The following RMND5A variants were observed in gnomAD, a reference collection of about 807,000 sequenced individuals.
The protein encoded by RMND5A is required for meiotic nuclear division 5 homolog A.
In RMND5A, 17 loss-of-function variants were observed where a neutral mutation model predicts 49.7. The ratio of observed to expected loss-of-function variants is 0.34; its 90% CI spans 0.23 to 0.51. RMND5A has a LOEUF of 0.51. Ranked by LOEUF, RMND5A falls within the 20% of genes least tolerant of loss-of-function variation. RMND5A has a pLI of 0.96. For missense variants in RMND5A, 255 were observed against 471.3 expected (o/e 0.54, Z 4.25); for synonymous variants, 156 against 167.7 (o/e 0.93, Z 0.54).
At chr2:86,766,085 T>C in intron 6 of RMND5A, 61 bp downstream of exon 6, 1 of 1,429,486 alleles carries the variant, frequency 7.0e-7, no homozygotes, top group Non-Finnish European at 9.5e-7. Flanking sequence ...TTCCCTTAAC[T>C]TGTTTGGTTC....
At chr2:86,758,435 T>A (rs1279865430) in intron 4 of RMND5A, among the ~76,000 whole-genome samples, 6 of 152,170 alleles carry the variant, frequency 3.9e-5, no homozygotes, top group African/African-American at 1.4e-4. Context: ...AGCCAGTTCC[T>A]ATGGATGGAC....
intron 4 of RMND5A, among the ~76,000 whole-genome samples, chr2:86,755,138 A>G (rs1386172839): frequency 6.7e-6 from 1 of 150,246 alleles, no homozygotes; most frequent in Non-Finnish European, 1.5e-5. Context: ...TCCCAAAGAG[A>G]CAGAGTCTTG....
intron 4 of RMND5A, among the ~76,000 whole-genome samples, chr2:86,754,534 C>G (rs115473684): frequency 0.012 from 1,814 of 152,046 alleles, 38 homozygotes; most frequent in African/African-American, 0.041. Context: ...CCATTTAATT[C>G]TTCATAGCTT....
In RMND5A at chr2:86,753,352, T is replaced by C. The variant is rs1573437966; in HGVS notation, c.421-106T>C. 6 of 677,512 alleles carry C rather than the reference T, an allele frequency of 8.9e-6. No homozygotes were observed. In the East Asian group the frequency reaches 1.5e-4, roughly 17 times the overall value. 42.0% of individuals were successfully genotyped at this position (677,512 alleles called of 1,614,324 possible). ...CATCAGTCTCTACTATAGGGAATTA[T>C]CTTTAATGGCTTGCCCCATATTTTA... On this transcript the variant is annotated intron_variant, in intron 3 of 8. Coordinates refer to ENST00000283632, the MANE Select transcript of RMND5A (RefSeq NM_022780.4).
chr2:86,765,444 A>C, intron 5 of RMND5A: 3 of 391,422 alleles, frequency 7.7e-6, no homozygotes, highest in Non-Finnish European at 9.1e-6. Flanking sequence ...CAAGGTGTGC[A>C]CTTGCTCTTT....
chr2:86,741,359 A>T (rs1681446002), intron 2 of RMND5A, among the ~76,000 whole-genome samples: 1 of 151,956 alleles, frequency 6.6e-6, no homozygotes, highest in Non-Finnish European at 1.5e-5. Flanking sequence ...GTTCCAAAGA[A>T]ATTTTAACCC....
At chr2:86,752,802 T>G (rs540293524) in intron 3 of RMND5A, among the ~76,000 whole-genome samples, 4 of 152,238 alleles carry the variant, frequency 2.6e-5, no homozygotes, top group Non-Finnish European at 5.9e-5. Flanking sequence ...AGAATTAGTT[T>G]AAAATCAGTC....
In RMND5A at chr2:86,767,755, C is replaced by T. The variant is rs945251589; in HGVS notation, c.854+1731C>T. 9.2e-5 allele frequency among the ~76,000 whole-genome samples: 14 copies of T among 152,314 alleles called. 1 individual carries two copies. Among genetic ancestry groups the T allele is most frequent in the Admixed American group, 3.3e-4 (5 of 15,304 alleles). On this transcript the variant is annotated intron_variant, in intron 6 of 8. Coordinates refer to ENST00000283632, the MANE Select transcript of RMND5A (RefSeq NM_022780.4). ...TAAAGTTTCAGATTCTGCTCTGCAG[C>T]GAACCTTTAGAAAACTACTACCTGT...
chr2:86,743,452 G>T (rs1211675101), intron 2 of RMND5A, among the ~76,000 whole-genome samples: 2 of 148,920 alleles, frequency 1.3e-5, no homozygotes, highest in East Asian at 2.0e-4. Flanking sequence ...GGGTGTTTTT[G>T]GTTTTTGTTT....
rs1214155974 is a variant in RMND5A, at chr2:86,751,911, A to G, written c.301A>G (p.Ile101Val). The change falls in exon 3 of 9, where the codon ATT becomes GTT. Residue 101 changes from isoleucine (I) to valine (V), a missense_variant. This residue lies in a region of RMND5A where 5 missense variants were observed against 71.5 expected (regional missense o/e 0.07). Coordinates refer to ENST00000283632, the MANE Select transcript of RMND5A (RefSeq NM_022780.4). ...TTTTCCCCAGAATTTTGATTCTGAC[A>G]TTAGCAGTGTGGGAATAGATGGCTG... ...KAIDKNFDSDISSVGIDGCWQ... is the reference protein window; with the variant it reads ...KAIDKNFDSDVSSVGIDGCWQ... The G allele has an allele frequency of 1.9e-6, 3 of 1,613,438 alleles. No individual in the cohort carries two copies. Among genetic ancestry groups the G allele is most frequent in the Admixed American group, 1.7e-5 (1 of 59,974 alleles).
intron 4 of RMND5A, among the ~76,000 whole-genome samples, chr2:86,759,629 C>T (rs1681811114): frequency 6.6e-6 from 1 of 151,174 alleles, no homozygotes; most frequent in Non-Finnish European, 1.5e-5. Context: ...CGCCCCCCAC[C>T]ATCTCTACTA....
rs1357276438 is a variant in RMND5A, at chr2:86,777,921, A to T, written c.*4510A>T. 6.6e-6 allele frequency: 1 copy of T among 152,222 alleles called. No homozygotes were observed. Among genetic ancestry groups the T allele is most frequent in the Non-Finnish European group, 1.5e-5 (1 of 68,040 alleles). 9.4% of individuals were successfully genotyped at this position (152,222 alleles called of 1,614,324 possible). Reference sequence around the variant, plus strand: ...TATTTAATTTATAAATTTCGGACTGATATAATAGAGTTTTGGAAAACTATA... The same window carrying T: ...TATTTAATTTATAAATTTCGGACTGTTATAATAGAGTTTTGGAAAACTATA... On this transcript the variant is annotated 3_prime_UTR_variant, in exon 9 of 9. Coordinates refer to ENST00000283632, the MANE Select transcript of RMND5A (RefSeq NM_022780.4).
chr2:86,756,538 A>G lies in RMND5A; in HGVS notation c.521+2980A>G, dbSNP rs187467828. Among the ~76,000 whole-genome samples the G allele has an allele frequency of 3.9e-4, 60 of 152,372 alleles. 1 individual carries two copies. The South Asian group carries it at 0.011, about 29-fold the overall frequency. ...TTAAAACCCATAAAATTGGAGTTAT[A>G]CAAAACATAAGATTTAATAGAAATC... On this transcript the variant is annotated intron_variant, in intron 4 of 8. Coordinates refer to ENST00000283632, the MANE Select transcript of RMND5A (RefSeq NM_022780.4).
At chr2:86,768,051 T>C (rs1371182359) in intron 6 of RMND5A, among the ~76,000 whole-genome samples, 1 of 152,212 alleles carries the variant, frequency 6.6e-6, no homozygotes, top group Non-Finnish European at 1.5e-5. Context: ...TTGGAAACTG[T>C]AGTTATTTTT....
At chr2:86,766,238 G>A (rs1210592117) in intron 6 of RMND5A, among the ~76,000 whole-genome samples, 1 of 152,162 alleles carries the variant, frequency 6.6e-6, no homozygotes, top group East Asian at 1.9e-4. Context: ...GATCCTGAGA[G>A]CCTTTTCCAC....
At chr2:86,750,323 G>A (rs536912939) in intron 2 of RMND5A, among the ~76,000 whole-genome samples, 21 of 152,220 alleles carry the variant, frequency 1.4e-4, no homozygotes, top group African/African-American at 4.6e-4. Context: ...GTTTCCCTCC[G>A]TCTGAGAATG....
chr2:86,747,757 G>A (rs1387456130), intron 2 of RMND5A, among the ~76,000 whole-genome samples: 3 of 152,108 alleles, frequency 2.0e-5, no homozygotes, highest in South Asian at 4.1e-4. Flanking sequence ...GGTTTTTGAC[G>A]GTAAACAGTG....
chr2:86,721,593 G>T (rs1002099244), intron 1 of RMND5A, among the ~76,000 whole-genome samples: 1 of 151,740 alleles, frequency 6.6e-6, no homozygotes, highest in Non-Finnish European at 1.5e-5. Context: ...CCTATAGAAG[G>T]TGTTTCACCT....
chr2:86,750,032 T>G (rs1342278952), intron 2 of RMND5A, among the ~76,000 whole-genome samples: 1 of 152,254 alleles, frequency 6.6e-6, no homozygotes, highest in African/African-American at 2.4e-5. Flanking sequence ...ACTGTATATT[T>G]AAGCAGTGGT....
Sources: allele counts gnomAD v4.1 joint callset (sites outside exome capture counted in the v4.1 genomes callset), GRCh38; gene constraint gnomAD v4.1.1; regional missense constraint gnomAD v4.1.1; transcripts MANE v1.5; gene names NCBI Gene and HGNC (gene_info 2026-07-23, HGNC 2026-07-21).